DPYD: variants seen among roughly 807,000 people sequenced by gnomAD.
DPYD encodes the protein dihydropyrimidine dehydrogenase.
In DPYD, 109 loss-of-function variants were observed where a neutral mutation model predicts 116.2. The ratio of observed to expected loss-of-function variants is 0.94; its 90% CI spans 0.80 to 1.10. The LOEUF is 1.10. Among genes scored for constraint, DPYD ranks in the 50% least tolerant of loss-of-function variants. The probability of loss-of-function intolerance (pLI) is 0.00; values close to 1 mark genes in which losing one functional copy is unlikely to be tolerated. For missense variants in DPYD, 1,302 were observed against 1,254.5 expected (o/e 1.04, Z -0.57); for synonymous variants, 440 against 432.0 (o/e 1.02, Z -0.23).
intron 18 of DPYD, among the ~76,000 whole-genome samples, chr1:97,288,514 A>G (rs1570435340): frequency 6.6e-6 from 1 of 152,250 alleles, no homozygotes; most frequent in Middle Eastern, 3.4e-3. Flanking sequence ...ATCAAACTAG[A>G]ACTCAGGATT....
chr1:97,357,896 T>C lies in DPYD; in HGVS notation c.2058+15665A>G, dbSNP rs1670502693. Among the ~76,000 whole-genome samples the C allele has an allele frequency of 2.6e-5, 4 of 152,130 alleles. No individual in the cohort carries two copies. In the South Asian group the frequency reaches 8.3e-4, roughly 32 times the overall value. On this transcript the variant is annotated intron_variant, in intron 16 of 22. Coordinates refer to ENST00000370192, the MANE Select transcript of DPYD (RefSeq NM_000110.4). ...CTTCCAGCATGATCAATGCAGAAGA[T>C]GGGTGATTTCTGCATTTCCAGCTGA...
At chr1:97,303,268 A>G (rs994019864) in intron 18 of DPYD, among the ~76,000 whole-genome samples, 2 of 152,050 alleles carry the variant, frequency 1.3e-5, no homozygotes, top group Non-Finnish European at 2.9e-5. Flanking sequence ...TTCACTTTTT[A>G]AAAATCTGTG....
chr1:97,382,664 A>G (rs996976544), intron 14 of DPYD, among the ~76,000 whole-genome samples: 1 of 152,178 alleles, frequency 6.6e-6, no homozygotes, highest in African/African-American at 2.4e-5. Flanking sequence ...TTACATTAGG[A>G]GATTTTCTCA....
intron 4 of DPYD, among the ~76,000 whole-genome samples, chr1:97,730,679 A>G (rs1171750731): frequency 6.6e-6 from 1 of 152,118 alleles, no homozygotes; most frequent in Non-Finnish European, 1.5e-5. Flanking sequence ...TAAATGCAAT[A>G]AATTTTATAA....
At chr1:97,889,220 T>C (rs921351873) in intron 1 of DPYD, among the ~76,000 whole-genome samples, 1 of 151,928 alleles carries the variant, frequency 6.6e-6, no homozygotes, top group Non-Finnish European at 1.5e-5. Context: ...AAGGAAGTTC[T>C]TCAGGCAGAA....
At chr1:97,808,331 T>C (rs145821826) in intron 3 of DPYD, among the ~76,000 whole-genome samples, 18 of 151,872 alleles carry the variant, frequency 1.2e-4, no homozygotes, top group African/African-American at 4.3e-4. Flanking sequence ...TTTGTACCTA[T>C]GTTATGAGAT....
At chr1:97,920,838 TCCCCACCACCC>T in intron 1 of DPYD, 35 bp downstream of exon 1, 1 of 1,567,332 alleles carries the variant, frequency 6.4e-7, no homozygotes. Context: ...CGCAGAGCAC[TCCCCACCACCC>T]CGCCACCACC....
At chr1:97,872,470 A>G (rs1211646181) in intron 2 of DPYD, among the ~76,000 whole-genome samples, 1 of 151,986 alleles carries the variant, frequency 6.6e-6, no homozygotes, top group Non-Finnish European at 1.5e-5. Flanking sequence ...AATCAGTCTG[A>G]AATAAATAAT....
At chr1:97,549,518 C>T (rs1489964524) in intron 12 of DPYD, 42 bp downstream of exon 12, 1 of 1,595,960 alleles carries the variant, frequency 6.3e-7, no homozygotes, top group Non-Finnish European at 8.6e-7. Flanking sequence ...AAGCACTTAT[C>T]CATTGGAAAA....
At position 97,246,962 on chromosome 1, in the gene DPYD, T is replaced by C. The variant is rs190498679; in HGVS notation, c.2300-11968A>G. On this transcript the variant is annotated intron_variant, in intron 18 of 22. Coordinates refer to ENST00000370192, the MANE Select transcript of DPYD (RefSeq NM_000110.4). ...GACACTAAAGAGAATCTGTACTCTTTATACATGTCCCTGTCTGCAGCCTTT... is the reference window on the plus strand; with the variant it reads ...GACACTAAAGAGAATCTGTACTCTTCATACATGTCCCTGTCTGCAGCCTTT... Among the ~76,000 whole-genome samples, 167 of 152,270 alleles carry C rather than the reference T, an allele frequency of 1.1e-3. 1 individual carries two copies. The highest frequency in any genetic ancestry group is 2.1e-3 in the Non-Finnish European group (143 of 68,024).
chr1:97,552,961 T>C (rs574955583), intron 11 of DPYD, among the ~76,000 whole-genome samples: 1 of 152,124 alleles, frequency 6.6e-6, no homozygotes, highest in East Asian at 1.9e-4. Context: ...TATATTTTAA[T>C]ACCCAATATT....
chr1:97,360,891 A>G (rs1670686703), intron 16 of DPYD, among the ~76,000 whole-genome samples: 1 of 152,218 alleles, frequency 6.6e-6, no homozygotes, highest in Non-Finnish European at 1.5e-5. Context: ...CACAATTAAA[A>G]GAACTAGAGA....
intron 8 of DPYD, among the ~76,000 whole-genome samples, chr1:97,659,727 C>T (rs1031530291): frequency 6.6e-6 from 1 of 152,046 alleles, no homozygotes; most frequent in Non-Finnish European, 1.5e-5. Flanking sequence ...TTTAAAAGTG[C>T]ACATAGTATA....
intron 13 of DPYD, among the ~76,000 whole-genome samples, chr1:97,472,146 T>C (rs1326721795): frequency 1.3e-5 from 2 of 152,198 alleles, no homozygotes; most frequent in Non-Finnish European, 2.9e-5. Context: ...GATGGGATAA[T>C]GTGCACAATA....
intron 11 of DPYD, among the ~76,000 whole-genome samples, chr1:97,564,589 T>C (rs148941589): frequency 0.014 from 2,164 of 152,194 alleles, 25 homozygotes; most frequent in Middle Eastern, 0.027. Flanking sequence ...AGTTGTTCAA[T>C]AGCAAATCCA....
rs142532365 is a variant in DPYD, at chr1:97,427,137, T to A, written c.1905+22922A>T. On this transcript the variant is annotated intron_variant, in intron 14 of 22. Coordinates refer to ENST00000370192, the MANE Select transcript of DPYD (RefSeq NM_000110.4). ...ATCTACAACTACTACCTCGGGATAC[T>A]ATGACCCAAAAGGAGGGCTATATAT... Among the ~76,000 whole-genome samples the A allele has an allele frequency of 3.4e-3, 514 of 152,266 alleles. 1 individual carries two copies. Among genetic ancestry groups the A allele is most frequent in the African/African-American group, 0.011 (450 of 41,576 alleles).
At chr1:97,540,372 CAAAACAAAACA>C (rs993362994) in intron 12 of DPYD, among the ~76,000 whole-genome samples, 10 of 119,068 alleles carry the variant, frequency 8.4e-5, no homozygotes, top group Admixed American at 2.3e-4. Flanking sequence ...CAAAACAAAA[CAAAACAAAACA>C]AAACAAAACA....
chr1:97,105,097 A>G (rs982014641), intron 20 of DPYD, among the ~76,000 whole-genome samples: 3 of 152,126 alleles, frequency 2.0e-5, no homozygotes, highest in Non-Finnish European at 2.9e-5. Flanking sequence ...TAAATAACTC[A>G]TATCAGGTCT....
At chr1:97,257,433 ACG>A (rs370780170) in intron 18 of DPYD, among the ~76,000 whole-genome samples, 1 of 118,860 alleles carries the variant, frequency 8.4e-6, no homozygotes, top group Non-Finnish European at 1.6e-5. Context: ...ACATATACAT[ACG>A]TATATATATA....
Sources: allele counts gnomAD v4.1 joint callset (sites outside exome capture counted in the v4.1 genomes callset), GRCh38; gene constraint gnomAD v4.1.1; transcripts MANE v1.5; gene names NCBI Gene and HGNC (gene_info 2026-07-23, HGNC 2026-07-21).